Variants in CADM1 observed in about 807,000 individuals in gnomAD.
The protein encoded by CADM1 is cell adhesion molecule 1, also known as TSLC-1.
Under a neutral mutation model 53.1 loss-of-function variants are expected in CADM1, and 15 were observed. The ratio of observed to expected loss-of-function variants is 0.28; its 90% CI spans 0.19 to 0.44. The LOEUF is 0.44. CADM1 is among the 20% of genes least tolerant of loss of function. The pLI is 1.00. For synonymous variants in CADM1, 281 were observed against 243.0 expected (o/e 1.16, Z -1.45); for missense variants, 434 against 611.3 (o/e 0.71, Z 3.06).
At chr11:115,470,625 C>CAT (rs148892432) in intron 1 of CADM1, among the ~76,000 whole-genome samples, 3,475 of 151,888 alleles carry the variant, frequency 0.023, 137 homozygotes, top group African/African-American at 0.079. Context: ...CATGAAATGC[C>CAT]ATATATATAT....
At chr11:115,186,415 T>C (rs1215658585) in intron 10 of CADM1, among the ~76,000 whole-genome samples, 1 of 152,184 alleles carries the variant, frequency 6.6e-6, no homozygotes, top group African/African-American at 2.4e-5. Flanking sequence ...GCAGAGAGCC[T>C]GACTTTTCCC....
chr11:115,328,715 T>TATATATGTATATATATACGC lies in CADM1; in HGVS notation c.125-88296_125-88295insGCGTATATATATACATATAT, dbSNP rs1464724518. 5.5e-5 allele frequency among the ~76,000 whole-genome samples: 3 copies of TATATATGTATATATATACGC among 54,766 alleles called. No individual in the cohort carries two copies. The Admixed American group carries it at 6.8e-4, about 12-fold the overall frequency. 35.9% of individuals were successfully genotyped at this position (54,766 alleles called of 152,430 possible). A position where few individuals can be genotyped will look rare whatever the true frequency, so the allele number is the denominator to read the frequency against. ...GTGTATATATATGTATATATATATG[T>TATATATGTATATATATACGC]GTATATATATGTATATACATATATA... On this transcript the variant is annotated intron_variant, in intron 1 of 11. Transcript: ENST00000331581.
chr11:115,396,047 G>A (rs752364949), intron 1 of CADM1, among the ~76,000 whole-genome samples: 22 of 152,176 alleles, frequency 1.4e-4, no homozygotes, highest in Non-Finnish European at 2.4e-4. Flanking sequence ...AAAGAACCTA[G>A]ATTATTTTTA....
intron 1 of CADM1, among the ~76,000 whole-genome samples, chr11:115,349,481 T>C (rs933872177): frequency 2.2e-4 from 34 of 152,300 alleles, no homozygotes; most frequent in African/African-American, 7.9e-4. Context: ...AGTAAATCAC[T>C]GTCAGGAAAT....
intron 1 of CADM1, among the ~76,000 whole-genome samples, chr11:115,364,577 T>C (rs1194989023): frequency 6.6e-6 from 1 of 152,104 alleles, no homozygotes; most frequent in Non-Finnish European, 1.5e-5. Context: ...GCCTTTTTGT[T>C]TAACTTGTTT....
At chr11:115,206,436 C>T (rs986608854) in intron 8 of CADM1, among the ~76,000 whole-genome samples, 5 of 152,116 alleles carry the variant, frequency 3.3e-5, no homozygotes, top group South Asian at 4.1e-4. Flanking sequence ...AAGCAGAGTC[C>T]GATTTGGCTT....
At chr11:115,271,324 C>T (rs2135048025) in intron 1 of CADM1, among the ~76,000 whole-genome samples, 1 of 152,166 alleles carries the variant, frequency 6.6e-6, no homozygotes, top group South Asian at 2.1e-4. Flanking sequence ...ACTCTGTCGC[C>T]CAGGCTAGAG....
intron 1 of CADM1, among the ~76,000 whole-genome samples, chr11:115,453,219 T>G (rs999541406): frequency 6.6e-6 from 1 of 151,608 alleles, no homozygotes; most frequent in Non-Finnish European, 1.5e-5. Context: ...TCTACAAAAT[T>G]TACAAAAATT....
intron 1 of CADM1, among the ~76,000 whole-genome samples, chr11:115,271,074 G>A (rs577982646): frequency 1.4e-3 from 218 of 152,330 alleles, no homozygotes; most frequent in Non-Finnish European, 2.3e-3. Context: ...ATGAGGGACA[G>A]AGGCTTAGGG....
chr11:115,289,895 CTGAATTTTTAATTGTAT>C (rs938083026), intron 1 of CADM1, among the ~76,000 whole-genome samples: 1 of 152,082 alleles, frequency 6.6e-6, no homozygotes, highest in African/African-American at 2.4e-5. Flanking sequence ...GCGCCCGGCC[CTGAATTTTTAATTGTAT>C]TGAATTTTGC....
Position 115,231,430 on chromosome 11 carries a change from A to G in CADM1, c.485T>C (p.Ile162Thr). ...QKDTAVEGEEIEVNCTAMASK... is the reference protein window; with the variant it reads ...QKDTAVEGEETEVNCTAMASK... ...GGCCATAGCAGTGCAGTTGACTTCA[A>G]TCTCCTCACCTTCCACCGCAGTGTC... The change falls in exon 4 of 12, where the codon ATT (isoleucine) becomes ACT (threonine). Residue 162 changes from isoleucine to threonine, a missense_variant. Physicochemically the swap from Ile to Thr is moderately conservative, Grantham distance 89 (BLOSUM62 -1). This residue lies in a region of CADM1 where 311 missense variants were observed against 435.1 expected (regional missense o/e 0.71). Transcript: ENST00000331581. 1 of 1,614,058 alleles carries G rather than the reference A, an allele frequency of 6.2e-7. No homozygotes were observed. Among genetic ancestry groups the G allele is most frequent in the Non-Finnish European group, 8.5e-7 (1 of 1,179,948 alleles).
chr11:115,370,482 AAAG>A (rs1278137575), intron 1 of CADM1, among the ~76,000 whole-genome samples: 3 of 152,156 alleles, frequency 2.0e-5, no homozygotes, highest in Admixed American at 2.0e-4. Context: ...GCCCTTAAAA[AAAG>A]AGCCATCAGA....
chr11:115,490,220 C>A (rs534712105), intron 1 of CADM1, among the ~76,000 whole-genome samples: 310 of 152,156 alleles, frequency 2.0e-3, no homozygotes, highest in African/African-American at 7.3e-3. Context: ...AGTCTACTTT[C>A]CTCGTCTGTA....
intron 1 of CADM1, among the ~76,000 whole-genome samples, chr11:115,311,731 A>T (rs947151986): frequency 6.6e-6 from 1 of 152,154 alleles, no homozygotes; most frequent in African/African-American, 2.4e-5. Context: ...GAGACACCTC[A>T]GTGAGGAAAA....
intron 3 of CADM1, among the ~76,000 whole-genome samples, chr11:115,235,714 A>C (rs1405527459): frequency 6.6e-6 from 1 of 152,220 alleles, no homozygotes; most frequent in East Asian, 1.9e-4. Context: ...TCTCACTCTA[A>C]GACCCTTTAA....
At chr11:115,203,977 T>C (rs763375987) in intron 8 of CADM1, among the ~76,000 whole-genome samples, 10 of 152,228 alleles carry the variant, frequency 6.6e-5, no homozygotes, top group Non-Finnish European at 1.5e-4. Flanking sequence ...TATTTACTAG[T>C]GCCCCCAAAA....
intron 1 of CADM1, among the ~76,000 whole-genome samples, chr11:115,272,317 C>T (rs1279195857): frequency 3.9e-5 from 6 of 152,074 alleles, no homozygotes; most frequent in Admixed American, 2.0e-4. Flanking sequence ...TCAGTGAACA[C>T]TCTACTCTTG....
In CADM1 at chr11:115,484,251, C is replaced by G. The variant is rs555402055; in HGVS notation, c.124+20020G>C. ...ATGCACAGTCTTTCTGGATGTCGTACAGCATGCTGAAAACCAGGGGGCAAA... is the reference window on the plus strand; with the variant it reads ...ATGCACAGTCTTTCTGGATGTCGTAGAGCATGCTGAAAACCAGGGGGCAAA... On this transcript the variant is annotated intron_variant, in intron 1 of 11. Coordinates refer to ENST00000331581, the MANE Select transcript of CADM1 (RefSeq NM_001301043.2). Among the ~76,000 whole-genome samples, 32 of 152,316 alleles carry G rather than the reference C, an allele frequency of 2.1e-4. 1 individual carries two copies. In the South Asian group the frequency reaches 6.0e-3, roughly 29 times the overall value.
chr11:115,441,973 C>T (rs951824038), intron 1 of CADM1, among the ~76,000 whole-genome samples: 30 of 152,084 alleles, frequency 2.0e-4, no homozygotes, highest in Non-Finnish European at 3.8e-4. Context: ...ACTAGGCACC[C>T]AAAATTCTAT....
Sources: gnomAD v4.1 joint callset for allele counts (sites outside exome capture counted in the v4.1 genomes callset) on GRCh38, gnomAD v4.1.1 for gene constraint, gnomAD v4.1.1 regional missense constraint, MANE v1.5 for transcripts, NCBI Gene and HGNC (gene_info 2026-07-23, HGNC 2026-07-21) for gene names.